Variants in GPATCH1 observed in about 807,000 individuals in gnomAD.
The protein encoded by GPATCH1 is G-patch domain containing 1.
GPATCH1 carries 73 observed loss-of-function variants against 114.9 expected under a neutral mutation model. That is an observed-to-expected ratio of 0.64 (90% CI 0.53 to 0.77). GPATCH1 has a LOEUF of 0.77. Among genes scored for constraint, GPATCH1 ranks in the 30% least tolerant of loss-of-function variants. The pLI, the probability that GPATCH1 is intolerant of heterozygous loss-of-function variation, is 0.00. For synonymous variants in GPATCH1, 391 were observed against 428.4 expected, an observed-to-expected ratio of 0.91 and a Z score of 1.08; for missense variants, 1,058 against 1,144.3, an observed-to-expected ratio of 0.92 and a Z score of 1.09.
chr19:33,088,189 A>AG lies in GPATCH1; in HGVS notation c.131dup (p.Arg45LysfsTer3). ...AGGATCAGACTGTCAGAGATGAAAA[A>AG]GGAAGGTATAAACGATTCCACGGGG... On this transcript the variant is annotated frameshift_variant, in exon 2 of 20. Transcript: ENST00000170564. LOFTEE classifies it high-confidence loss of function. 1 of 1,599,678 alleles carries AG rather than the reference A, an allele frequency of 6.3e-7. No individual in the cohort carries two copies. The highest frequency in any genetic ancestry group is 1.1e-5 in the South Asian group (1 of 89,960).
At position 33,083,934 on chromosome 19, in the gene GPATCH1, C is replaced by T. The variant is rs374928455; in HGVS notation, c.73+2668C>T. On this transcript the variant is annotated intron_variant, in intron 1 of 19. Coordinates refer to ENST00000170564, the MANE Select transcript of GPATCH1 (RefSeq NM_018025.3). ...AAGAGATTCTCCAGCCTCAGCCTCC[C>T]GAGTGGCTGGGATTATAGGTGCCCA... Among the ~76,000 whole-genome samples, 47 of 152,074 alleles carry T rather than the reference C, an allele frequency of 3.1e-4. No individual in the cohort carries two copies. In the South Asian group the frequency reaches 4.6e-3, roughly 15 times the overall value.
intron 9 of GPATCH1, among the ~76,000 whole-genome samples, chr19:33,102,603 GT>G (rs1305656304): frequency 6.6e-6 from 1 of 151,774 alleles, no homozygotes; most frequent in Non-Finnish European, 1.5e-5. Flanking sequence ...CACCATGTTG[GT>G]CAGGCTGGTC....
intron 15 of GPATCH1, among the ~76,000 whole-genome samples, chr19:33,117,361 C>T (rs1447530920): frequency 6.6e-6 from 1 of 152,168 alleles, no homozygotes; most frequent in Admixed American, 6.6e-5. Flanking sequence ...GTTAAGTTGC[C>T]TGAATCTGAG....
Sources: allele counts gnomAD v4.1 joint callset (sites outside exome capture counted in the v4.1 genomes callset), GRCh38; gene constraint gnomAD v4.1.1; transcripts MANE v1.5; gene names NCBI Gene and HGNC (gene_info 2026-07-23, HGNC 2026-07-21).